Variants in DEPTOR observed in about 807,000 individuals in gnomAD.
The protein encoded by DEPTOR is DEP domain containing MTOR interacting protein.
In DEPTOR, 41 loss-of-function variants were observed where a neutral mutation model predicts 41.6. The observed-to-expected ratio is 0.98, with a 90% CI of 0.77 to 1.28. The LOEUF (loss-of-function observed/expected upper bound fraction) is 1.28. DEPTOR is among the 50% of genes most tolerant of loss of function. DEPTOR has a pLI of 0.00. For missense variants in DEPTOR, 514 were observed against 527.9 expected, an observed-to-expected ratio of 0.97 and a Z score of 0.26; for synonymous variants, 195 against 192.3, an observed-to-expected ratio of 1.01 and a Z score of -0.12.
chr8:120,018,641 A>C (rs147503445), intron 8 of DEPTOR, among the ~76,000 whole-genome samples: 346 of 152,254 alleles, frequency 2.3e-3, no homozygotes, highest in African/African-American at 7.9e-3. Context: ...GATAAACAGC[A>C]TTGTTTTGTA....
intron 1 of DEPTOR, among the ~76,000 whole-genome samples, chr8:119,903,976 G>T (rs1157405870): frequency 1.3e-5 from 2 of 151,990 alleles, no homozygotes; most frequent in Non-Finnish European, 2.9e-5. Flanking sequence ...TCCTGACTCT[G>T]GGGGCCAGGA....
At chr8:120,019,580 C>T (rs1383254111) in intron 8 of DEPTOR, among the ~76,000 whole-genome samples, 2 of 152,176 alleles carry the variant, frequency 1.3e-5, no homozygotes, top group Non-Finnish European at 2.9e-5. Flanking sequence ...TCTCCTTTCT[C>T]TGGGCTTCCT....
At chr8:119,890,546 A>G (rs185615262) in intron 1 of DEPTOR, among the ~76,000 whole-genome samples, 1 of 152,132 alleles carries the variant, frequency 6.6e-6, no homozygotes, top group East Asian at 1.9e-4. Context: ...CAGGTGATCC[A>G]CCCACCTCGG....
intron 3 of DEPTOR, among the ~76,000 whole-genome samples, chr8:119,943,951 C>T (rs959638719): frequency 6.6e-6 from 1 of 152,142 alleles, no homozygotes; most frequent in East Asian, 1.9e-4. Context: ...CATTCTCCTG[C>T]CTCAGCCTCC....
chr8:119,949,073 A>C (rs892539632), intron 3 of DEPTOR, among the ~76,000 whole-genome samples: 1 of 152,246 alleles, frequency 6.6e-6, no homozygotes, highest in African/African-American at 2.4e-5. Context: ...GGCATGAGCC[A>C]CCATGCCCGA....
At chr8:119,938,839 T>TCCTC (rs796764248) in intron 3 of DEPTOR, among the ~76,000 whole-genome samples, 4 of 151,240 alleles carry the variant, frequency 2.6e-5, no homozygotes, top group East Asian at 1.9e-4. Flanking sequence ...TTTCCTTCCT[T>TCCTC]CCTCCCTCCC....
intron 4 of DEPTOR, among the ~76,000 whole-genome samples, chr8:120,000,146 G>A (rs1031644583): frequency 6.6e-6 from 1 of 152,096 alleles, no homozygotes; most frequent in Non-Finnish European, 1.5e-5. Flanking sequence ...GCTTTATGAA[G>A]ATATAGTTCA....
In DEPTOR at chr8:120,006,870, T is replaced by A. The variant is rs753177991; in HGVS notation, c.991T>A (p.Phe331Ile). The A allele has an allele frequency of 2.5e-6, 4 of 1,614,060 alleles. No individual in the cohort carries two copies. Among genetic ancestry groups the A allele is most frequent in the Non-Finnish European group, 3.4e-6 (4 of 1,180,016 alleles). The change falls in exon 7 of 9, where the codon TTC (phenylalanine) becomes ATC (isoleucine). Residue 331 changes from phenylalanine (F) to isoleucine (I), a missense_variant. Coordinates refer to ENST00000286234, the MANE Select transcript of DEPTOR (RefSeq NM_022783.4). ...CGGGGCTCCGTATGCAAGGAAGACATTCACGGTAGGCTGATGGTCTGGCCT... is the reference window on the plus strand; with the variant it reads ...CGGGGCTCCGTATGCAAGGAAGACAATCACGGTAGGCTGATGGTCTGGCCT... ...TPGAPYARKT[F>I]TIVGDAVGWG...
intron 1 of DEPTOR, among the ~76,000 whole-genome samples, chr8:119,886,514 T>A: frequency 6.6e-6 from 1 of 151,326 alleles, no homozygotes; most frequent in South Asian, 2.1e-4. Flanking sequence ...TACACACAGA[T>A]ACACACACAC....
In DEPTOR at chr8:119,992,438, C is replaced by T. The variant is rs968249721; in HGVS notation, c.605-9087C>T. On this transcript the variant is annotated intron_variant, in intron 4 of 8. Transcript: ENST00000286234. ...TGTTTTCAGTCTACTAAGTTGTTTA[C>T]GTGACCGTAAGTCCAAGACCACCTT... is the stretch of plus-strand genomic sequence containing the variant. 2.4e-4 allele frequency among the ~76,000 whole-genome samples: 37 copies of T among 152,096 alleles called. 1 individual carries two copies. Among genetic ancestry groups the T allele is most frequent in the South Asian group, 1.7e-3 (8 of 4,826 alleles).
intron 1 of DEPTOR, among the ~76,000 whole-genome samples, chr8:119,907,785 CA>C (rs34284385): frequency 0.72 from 108,758 of 151,078 alleles, 39,472 homozygotes; most frequent in East Asian, 0.94. Flanking sequence ...TCTCAAAAAA[CA>C]AAAAAAAAGG....
chr8:119,991,522 T>C (rs537495781), intron 4 of DEPTOR, among the ~76,000 whole-genome samples: 4 of 152,166 alleles, frequency 2.6e-5, no homozygotes, highest in Admixed American at 1.3e-4. Flanking sequence ...TTTGCTGAGT[T>C]GGCCAGGCTG....
At chr8:120,015,032 G>A (rs12548223) in intron 8 of DEPTOR, among the ~76,000 whole-genome samples, 8,116 of 151,808 alleles carry the variant, frequency 0.053, 294 homozygotes, top group South Asian at 0.11. Context: ...TTACATTTCC[G>A]TAATACATCA....
intron 1 of DEPTOR, among the ~76,000 whole-genome samples, chr8:119,894,807 G>A (rs7838578): frequency 0.82 from 124,669 of 152,212 alleles, 51,416 homozygotes; most frequent in East Asian, 0.95. Flanking sequence ...TAGAAAGTTC[G>A]GTATAGTATG....
chr8:120,041,234 A>G (rs1007321816), intron 8 of DEPTOR, among the ~76,000 whole-genome samples: 1 of 152,218 alleles, frequency 6.6e-6, no homozygotes, highest in South Asian at 2.1e-4. Flanking sequence ...TTTCTCCCCA[A>G]CTTCACTCCC....
Position 119,921,904 on chromosome 8 carries a change from G to A in DEPTOR, c.123-6496G>A, listed in dbSNP as rs561028988. Among the ~76,000 whole-genome samples the A allele has an allele frequency of 2.0e-5, 3 of 151,832 alleles. No homozygotes were observed. The East Asian group carries it at 5.8e-4, about 29-fold the overall frequency. On this transcript the variant is annotated intron_variant, in intron 1 of 8. Transcript: ENST00000286234. Reference sequence around the variant, plus strand: ...GCCTCCCAAGTAGCTGGGACTACAGGCACACACCACCACACCCGGCTAATT... The same window carrying A: ...GCCTCCCAAGTAGCTGGGACTACAGACACACACCACCACACCCGGCTAATT...
rs972891953 is a variant in DEPTOR at position 119,921,819 on chromosome 8, G to C, written c.123-6581G>C. 1.2e-4 allele frequency among the ~76,000 whole-genome samples: 18 copies of C among 150,164 alleles called. 1 individual carries two copies. Among genetic ancestry groups the C allele is most frequent in the African/African-American group, 4.2e-4 (17 of 40,530 alleles). ...TCTGTCACCCAGGCTGGAATGCAGT[G>C]GCATGATATCGACTCACTGTAACCT... On this transcript the variant is annotated intron_variant, in intron 1 of 8. Transcript: ENST00000286234.
chr8:120,031,079 C>T (rs1183515972), intron 8 of DEPTOR, among the ~76,000 whole-genome samples: 1 of 152,120 alleles, frequency 6.6e-6, no homozygotes, highest in African/African-American at 2.4e-5. Context: ...CCTGTAATCC[C>T]AGTACTTTGG....
At chr8:119,944,658 T>TC (rs869066461) in intron 3 of DEPTOR, among the ~76,000 whole-genome samples, 1 of 46,136 alleles carries the variant, frequency 2.2e-5, no homozygotes, top group Admixed American at 3.6e-4. Context: ...CTTTCTTTTC[T>TC]TTTTTTTTTT....
Sources: allele counts gnomAD v4.1 joint callset (sites outside exome capture counted in the v4.1 genomes callset), GRCh38; gene constraint gnomAD v4.1.1; transcripts MANE v1.5; gene names NCBI Gene and HGNC (gene_info 2026-07-23, HGNC 2026-07-21).